The following BBS5 variants were observed in gnomAD, a reference collection of about 807,000 sequenced individuals.
BBS5 encodes the protein Bardet-Biedl syndrome 5.
In BBS5, 39 loss-of-function variants were observed where a neutral mutation model predicts 50.2. The observed-to-expected ratio is 0.78, with a 90% CI of 0.60 to 1.01. The LOEUF is 1.01. BBS5 is among the 50% of genes least tolerant of loss of function. The pLI is 0.00. For synonymous variants in BBS5, 134 were observed against 133.1 expected (o/e 1.01, Z -0.05); for missense variants, 356 against 401.5 (o/e 0.89, Z 0.97).
rs973248444 is a variant in BBS5, at chr2:169,497,880, G to A, written c.681+191G>A. ...GGAAGAATCCTGCTTATATTTTTTT[G>A]TTGGACAGACATGATCATTTGTGAT... On this transcript the variant is annotated intron_variant, in intron 8 of 11. Transcript: ENST00000295240. Among the ~76,000 whole-genome samples, 3 of 152,212 alleles carry A rather than the reference G, an allele frequency of 2.0e-5. No individual in the cohort carries two copies. In the South Asian group the frequency reaches 6.2e-4, roughly 32 times the overall value.
chr2:169,484,969 CAGCAGAAAAGAGG>C (rs1272627985), intron 2 of BBS5, among the ~76,000 whole-genome samples: 1 of 140,970 alleles, frequency 7.1e-6, no homozygotes, highest in Non-Finnish European at 1.6e-5. Flanking sequence ...TGGGGTTCTT[CAGCAGAAAAGAGG>C]TAGCATTAAA....
intron 9 of BBS5, among the ~76,000 whole-genome samples, chr2:169,500,000 T>C (rs1334217250): frequency 6.6e-6 from 1 of 152,242 alleles, no homozygotes; most frequent in Non-Finnish European, 1.5e-5. Flanking sequence ...TCTGCCTTAG[T>C]ACTCCACAAT....
chr2:169,499,322 T>A, intron 8 of BBS5, 164 bp from the exon 9 acceptor site: 1 of 712,904 alleles, frequency 1.4e-6, no homozygotes, highest in Non-Finnish European at 2.2e-6. Flanking sequence ...GCTCTTCTGT[T>A]TTTGTATGTG....
At chr2:169,481,537 G>A (rs1011847880) in intron 1 of BBS5, among the ~76,000 whole-genome samples, 3 of 152,082 alleles carry the variant, frequency 2.0e-5, no homozygotes, top group Non-Finnish European at 2.9e-5. Context: ...GCAGGGAAAT[G>A]ATATGGTCAT....
chr2:169,496,412 T>A (rs536247038), intron 7 of BBS5, among the ~76,000 whole-genome samples: 23 of 152,290 alleles, frequency 1.5e-4, no homozygotes, highest in Non-Finnish European at 2.4e-4. Flanking sequence ...ATATTTTATA[T>A]TAAACTTAAA....
chr2:169,481,607 T>C (rs138444021), intron 1 of BBS5, among the ~76,000 whole-genome samples: 132 of 132,452 alleles, frequency 1.0e-3, no homozygotes, highest in African/African-American at 3.2e-3. Flanking sequence ...GAAGGCTCTT[T>C]TAGATATTTT....
Position 169,505,635 on chromosome 2 carries a change from C to T in BBS5, c.*1053C>T, listed in dbSNP as rs185206217. On this transcript the variant is annotated 3_prime_UTR_variant, in exon 12 of 12. Transcript: ENST00000295240. ...ACCCCATTTGGGAGGTGAGGAGCAA[C>T]TCTGCCCAGCCGCCCCGTCTGAGAA... 3.6e-5 allele frequency: 9 copies of T among 247,760 alleles called. No homozygotes were observed. Among genetic ancestry groups the T allele is most frequent in the African/African-American group, 1.6e-4 (7 of 42,474 alleles). 15.3% of individuals were successfully genotyped at this position (247,760 alleles called of 1,614,324 possible).
At chr2:169,494,242 CT>C (rs1683654976) in intron 7 of BBS5, among the ~76,000 whole-genome samples, 1 of 152,232 alleles carries the variant, frequency 6.6e-6, no homozygotes, top group Non-Finnish European at 1.5e-5. Flanking sequence ...TCTTGGCTCT[CT>C]TGTCATTTTC....
intron 7 of BBS5, among the ~76,000 whole-genome samples, chr2:169,495,901 G>GC (rs1321083761): frequency 3.3e-5 from 5 of 152,088 alleles, no homozygotes; most frequent in Non-Finnish European, 1.5e-5. Flanking sequence ...TAAGCAATCT[G>GC]CCCACCTCAG....
intron 8 of BBS5, among the ~76,000 whole-genome samples, chr2:169,498,106 C>G (rs1683728141): frequency 6.6e-6 from 1 of 152,172 alleles, no homozygotes; most frequent in Admixed American, 6.5e-5. Context: ...GATCTCAAGT[C>G]TGACTGATTT....
rs1229839037 is a variant in BBS5, at chr2:169,506,003, G to T, written c.*1421G>T. 3.2e-5 allele frequency: 2 copies of T among 62,450 alleles called. No homozygotes were observed. Among genetic ancestry groups the T allele is most frequent in the African/African-American group, 7.8e-5 (2 of 25,756 alleles). The allele number at this position is 62,450 out of a possible 1,614,324, so 3.9% of individuals were successfully genotyped here. ...CAGCCGCCCCGTCCGGGAGGGAGGTGGGGGATCAGCCCCCCGCCCGGCTAG... is the reference window on the plus strand; with the variant it reads ...CAGCCGCCCCGTCCGGGAGGGAGGTTGGGGATCAGCCCCCCGCCCGGCTAG... On this transcript the variant is annotated 3_prime_UTR_variant, in exon 12 of 12. Transcript: ENST00000295240.
chr2:169,502,745 A>G (rs958760236), intron 9 of BBS5, among the ~76,000 whole-genome samples: 1 of 152,176 alleles, frequency 6.6e-6, no homozygotes, highest in Non-Finnish European at 1.5e-5. Context: ...CTATATAATG[A>G]CTATTCTGAG....
At chr2:169,496,926 T>C (rs1211754627) in intron 7 of BBS5, among the ~76,000 whole-genome samples, 1 of 151,732 alleles carries the variant, frequency 6.6e-6, no homozygotes, top group African/African-American at 2.4e-5. Flanking sequence ...CCATCTATGA[T>C]GTAAGAAACA....
At chr2:169,502,828 CAG>C (rs1352068792) in intron 9 of BBS5, among the ~76,000 whole-genome samples, 1 of 152,134 alleles carries the variant, frequency 6.6e-6, no homozygotes, top group South Asian at 2.1e-4. Flanking sequence ...AAAGTCAAGT[CAG>C]AGTTTTTTCT....
At chr2:169,492,077 A>G (rs997866186) in intron 5 of BBS5, among the ~76,000 whole-genome samples, 3 of 151,778 alleles carry the variant, frequency 2.0e-5, no homozygotes, top group African/African-American at 7.3e-5. Flanking sequence ...GATTACAGGT[A>G]TGAACCACTG....
At chr2:169,494,943 C>G (rs72885839) in intron 7 of BBS5, among the ~76,000 whole-genome samples, 146 of 152,218 alleles carry the variant, frequency 9.6e-4, no homozygotes, top group Admixed American at 1.7e-3. Context: ...AAGAATAATT[C>G]TTTGCAAAAT....
intron 10 of BBS5, 28 bp from the exon 11 acceptor site, chr2:169,504,275 G>A (rs1683860157): frequency 6.2e-7 from 1 of 1,606,886 alleles, no homozygotes; most frequent in South Asian, 1.1e-5. Flanking sequence ...TGTCCAGTTT[G>A]TGAAATAGAA....
intron 1 of BBS5, 144 bp downstream of exon 1, chr2:169,479,756 AGAGACCTCAGGCT>A: frequency 1.1e-6 from 1 of 925,018 alleles, no homozygotes; most frequent in Non-Finnish European, 1.7e-6. Context: ...CCGCGCCTCG[AGAGACCTCAGGCT>A]GGTTGGGCCA....
At position 169,482,411 on chromosome 2, in the gene BBS5, GAA is replaced by G. The variant is rs1574334708; in HGVS notation, c.142+80_142+81del. Reference sequence around the variant, plus strand: ...GAATCATATTAGCTAGAGAATATATGAAACAGCATCATTTGTCAGTGTAATTG... The same window carrying G: ...GAATCATATTAGCTAGAGAATATATGACAGCATCATTTGTCAGTGTAATTG... On this transcript the variant is annotated intron_variant, in intron 2 of 11. Transcript: ENST00000295240. The G allele has an allele frequency of 3.2e-5, 30 of 934,110 alleles. No individual in the cohort carries two copies. The East Asian group carries it at 7.0e-4, about 22-fold the overall frequency. 57.9% of individuals were successfully genotyped at this position (934,110 alleles called of 1,614,324 possible). A position where few individuals can be genotyped will look rare whatever the true frequency, so the allele number is the denominator to read the frequency against.
Sources: gnomAD v4.1 joint callset for allele counts (sites outside exome capture counted in the v4.1 genomes callset) on GRCh38, gnomAD v4.1.1 for gene constraint, MANE v1.5 for transcripts, NCBI Gene and HGNC (gene_info 2026-07-23, HGNC 2026-07-21) for gene names.